The following GRM7 variants were observed in gnomAD, a reference collection of about 807,000 sequenced individuals.
GRM7 encodes the protein metabotropic glutamate receptor 7.
In GRM7, 35 loss-of-function variants were observed where a neutral mutation model predicts 84.5. That is an observed-to-expected ratio of 0.41 (90% CI 0.32 to 0.55). GRM7 has a LOEUF of 0.55. Ranked by LOEUF, GRM7 falls within the 20% of genes least tolerant of loss-of-function variation. The probability of loss-of-function intolerance (pLI) is 0.19; values close to 1 mark genes in which losing one functional copy is unlikely to be tolerated. For missense variants in GRM7, 1,003 were observed against 1,194.6 expected (o/e 0.84, Z 2.36); for synonymous variants, 487 against 455.1 (o/e 1.07, Z -0.89).
chr3:7,405,210 T>C (rs115301305), intron 4 of GRM7, among the ~76,000 whole-genome samples: 178 of 152,328 alleles, frequency 1.2e-3, no homozygotes, highest in African/African-American at 4.1e-3. Flanking sequence ...CTTGAAAATA[T>C]GTCATATCAA....
At chr3:7,322,753 G>A (rs1445366299) in intron 4 of GRM7, among the ~76,000 whole-genome samples, 1 of 151,988 alleles carries the variant, frequency 6.6e-6, no homozygotes, top group Non-Finnish European at 1.5e-5. Context: ...TTTTATGGCT[G>A]AGTAGTATGC....
At chr3:6,935,908 C>T (rs1056293087) in intron 1 of GRM7, among the ~76,000 whole-genome samples, 2 of 151,948 alleles carry the variant, frequency 1.3e-5, no homozygotes, top group African/African-American at 4.8e-5. Context: ...GTTGGCCAGC[C>T]ATGTTGACCA....
At chr3:7,530,543 G>GTTCC (rs1433331936) in intron 7 of GRM7, among the ~76,000 whole-genome samples, 11 of 152,116 alleles carry the variant, frequency 7.2e-5, no homozygotes, top group African/African-American at 2.4e-4. Context: ...TGGTTGAACT[G>GTTCC]ATTTACTCTC....
intron 2 of GRM7, among the ~76,000 whole-genome samples, chr3:7,270,769 G>T (rs531825658): frequency 1.3e-4 from 20 of 152,180 alleles, no homozygotes; most frequent in Non-Finnish European, 2.2e-4. Context: ...AAGAGGAAAT[G>T]GTCAATTTCT....
intron 2 of GRM7, among the ~76,000 whole-genome samples, chr3:7,169,846 T>C (rs935012382): frequency 6.6e-6 from 1 of 152,170 alleles, no homozygotes; most frequent in African/African-American, 2.4e-5. Context: ...ATATAATAGT[T>C]CCCATAAGAA....
At chr3:7,328,093 C>T (rs1480025810) in intron 4 of GRM7, among the ~76,000 whole-genome samples, 1 of 152,124 alleles carries the variant, frequency 6.6e-6, no homozygotes, top group Non-Finnish European at 1.5e-5. Context: ...CACTGCAAAA[C>T]CAACTATGGC....
intron 1 of GRM7, among the ~76,000 whole-genome samples, chr3:6,935,516 C>G (rs1202109509): frequency 6.6e-6 from 1 of 151,786 alleles, no homozygotes; most frequent in East Asian, 1.9e-4. Flanking sequence ...TATTGCCCCT[C>G]AAGGTCTAAA....
At chr3:6,948,683 G>A (rs147286076) in intron 1 of GRM7, among the ~76,000 whole-genome samples, 5,569 of 152,122 alleles carry the variant, frequency 0.037, 354 homozygotes, top group African/African-American at 0.13. Flanking sequence ...TTATTGTGTG[G>A]GTGTCTAAGT....
At chr3:7,322,246 CT>C (rs1413456096) in intron 4 of GRM7, among the ~76,000 whole-genome samples, 2 of 150,902 alleles carry the variant, frequency 1.3e-5, no homozygotes, top group East Asian at 3.9e-4. Flanking sequence ...AAAGTAAGAA[CT>C]ACTTTATTGA....
intron 4 of GRM7, among the ~76,000 whole-genome samples, chr3:7,384,700 A>G (rs1694717004): frequency 6.6e-6 from 1 of 152,180 alleles, no homozygotes. Flanking sequence ...GACACGTTTC[A>G]GTTGTTCAAC....
At chr3:7,655,976 C>T (rs1458797390) in intron 8 of GRM7, among the ~76,000 whole-genome samples, 1 of 152,178 alleles carries the variant, frequency 6.6e-6, no homozygotes, top group Admixed American at 6.5e-5. Flanking sequence ...CAAAGAACCT[C>T]AGCATCCCAA....
At chr3:7,290,919 A>C (rs1699597268) in intron 2 of GRM7, among the ~76,000 whole-genome samples, 1 of 151,488 alleles carries the variant, frequency 6.6e-6, no homozygotes, top group Non-Finnish European at 1.5e-5. Context: ...CTGTATCTTA[A>C]CTCTCAGTAC....
At position 6,930,961 on chromosome 3, in the gene GRM7, A is replaced by G. The variant is rs112463601; in HGVS notation, c.519+69054A>G. On this transcript the variant is annotated intron_variant, in intron 1 of 9. Coordinates refer to ENST00000357716, the MANE Select transcript of GRM7 (RefSeq NM_000844.4). The stretch of plus-strand genomic sequence containing the variant: ...GTAGCCTCAAATGTGAACTGCCTCC[A>G]GTTACTGGGATGCCCCATCCTTTCC... Among the ~76,000 whole-genome samples the G allele has an allele frequency of 9.7e-3, 1,475 of 152,288 alleles. 25 individuals carry two copies. Among genetic ancestry groups the G allele is most frequent in the African/African-American group, 0.033 (1,374 of 41,564 alleles).
At chr3:7,276,193 A>T (rs1699043112) in intron 2 of GRM7, among the ~76,000 whole-genome samples, 1 of 67,748 alleles carries the variant, frequency 1.5e-5, no homozygotes, top group Non-Finnish European at 2.7e-5. Flanking sequence ...TTTTTAAATT[A>T]TATATATATA....
At chr3:7,146,782 G>T in intron 2 of GRM7, 114 bp downstream of exon 2, 1 of 715,584 alleles carries the variant, frequency 1.4e-6, no homozygotes, top group Non-Finnish European at 2.4e-6. Flanking sequence ...CCAGAGTCCT[G>T]TGAAGTACAC....
intron 2 of GRM7, among the ~76,000 whole-genome samples, chr3:7,204,229 G>A (rs936535423): frequency 9.2e-5 from 14 of 152,186 alleles, no homozygotes; most frequent in Non-Finnish European, 8.8e-5. Flanking sequence ...GACAATGGTT[G>A]TGGGAAATCT....
chr3:7,256,236 T>G (rs1340826823), intron 2 of GRM7, among the ~76,000 whole-genome samples: 1 of 152,200 alleles, frequency 6.6e-6, no homozygotes, highest in Non-Finnish European at 1.5e-5. Context: ...TCTATTTTAT[T>G]TATAAGTTTA....
At chr3:7,312,116 T>C (rs2125042541) in intron 4 of GRM7, among the ~76,000 whole-genome samples, 1 of 152,292 alleles carries the variant, frequency 6.6e-6, no homozygotes, top group South Asian at 2.1e-4. Context: ...TCCCTCAAGC[T>C]CTGTTTAACT....
chr3:7,033,892 A>G (rs1696280948), intron 1 of GRM7, among the ~76,000 whole-genome samples: 1 of 152,134 alleles, frequency 6.6e-6, no homozygotes, highest in Admixed American at 6.5e-5. Flanking sequence ...TTCATTTGCT[A>G]ATTTATTATA....
Sources: allele counts gnomAD v4.1 joint callset (sites outside exome capture counted in the v4.1 genomes callset), GRCh38; gene constraint gnomAD v4.1.1; transcripts MANE v1.5; gene names NCBI Gene and HGNC (gene_info 2026-07-23, HGNC 2026-07-21).